Variants in KSR1 observed in about 807,000 individuals in gnomAD.
KSR1 encodes kinase suppressor of ras 1, also known as kinase suppressor of ras.
A neutral mutation model predicts 92.9 loss-of-function variants in KSR1; 35 were observed. The observed-to-expected ratio is 0.38, with a 90% CI of 0.29 to 0.50. The LOEUF is 0.50. Among genes scored for constraint, KSR1 ranks in the 20% least tolerant of loss-of-function variants. KSR1 has a pLI of 0.94. For synonymous variants in KSR1, 467 were observed against 472.6 expected (o/e 0.99, Z 0.15); for missense variants, 972 against 1,158.5 (o/e 0.84, Z 2.34).
intron 1 of KSR1, chr17:27,472,076 ACTAGGTATG>A (rs2020040954): frequency 2.6e-5 from 4 of 152,184 alleles, no homozygotes; most frequent in Non-Finnish European, 5.9e-5. Flanking sequence ...GGCTGCTGAT[ACTAGGTATG>A]AGTGTCTAGG....
intron 1 of KSR1, among the ~76,000 whole-genome samples, chr17:27,491,797 T>C (rs2068840403): frequency 6.6e-6 from 1 of 152,090 alleles, no homozygotes; most frequent in Non-Finnish European, 1.5e-5. Context: ...GTTTAGTGTG[T>C]GCAGCAGGAG....
At position 27,582,838 on chromosome 17, in the gene KSR1, C is replaced by A; in HGVS notation, c.713C>A (p.Ser238Tyr). The part of the protein sequence containing the change: ...ISVSALPASD[S>Y]PTPSFSEGLS... ...GTGTCAGCTCTGCCCGCCTCAGACT[C>A]CCCCACCCCCAGCTTCAGTGAGGGC... The change falls in exon 4 of 21, where the codon TCC becomes TAC. Residue 238 changes from serine (S) to tyrosine (Y), a missense_variant. Coordinates refer to ENST00000644974, the MANE Select transcript of KSR1 (RefSeq NM_001394583.1). 6.2e-7 allele frequency: 1 copy of A among 1,613,220 alleles called. No individual in the cohort carries two copies.
chr17:27,493,974 T>G (rs1231406151), intron 1 of KSR1, among the ~76,000 whole-genome samples: 1 of 152,162 alleles, frequency 6.6e-6, no homozygotes, highest in African/African-American at 2.4e-5. Flanking sequence ...TTCCACCACT[T>G]CTTCCTCTCT....
At chr17:27,621,596 A>G (rs1031985279) in intron 20 of KSR1, among the ~76,000 whole-genome samples, 1 of 152,146 alleles carries the variant, frequency 6.6e-6, no homozygotes, top group Non-Finnish European at 1.5e-5. Context: ...GCCAGAGCTC[A>G]AGAGAAGAGA....
intron 1 of KSR1, among the ~76,000 whole-genome samples, chr17:27,494,896 C>T (rs1429918753): frequency 5.3e-5 from 8 of 152,204 alleles, no homozygotes; most frequent in Non-Finnish European, 8.8e-5. Context: ...GCCTGGGAGG[C>T]GGCCCTGTCA....
intron 1 of KSR1, among the ~76,000 whole-genome samples, chr17:27,520,793 G>A (rs917374613): frequency 1.3e-5 from 2 of 152,230 alleles, no homozygotes; most frequent in African/African-American, 4.8e-5. Flanking sequence ...CCAGTGGATT[G>A]GAGGGGTGCT....
At chr17:27,480,568 T>C (rs1457433768) in intron 1 of KSR1, among the ~76,000 whole-genome samples, 1 of 152,114 alleles carries the variant, frequency 6.6e-6, no homozygotes, top group Non-Finnish European at 1.5e-5. Context: ...CATCTGATTT[T>C]TGTATTTTTA....
At chr17:27,597,778 G>A (rs2073400606) in intron 10 of KSR1, among the ~76,000 whole-genome samples, 1 of 152,124 alleles carries the variant, frequency 6.6e-6, no homozygotes, top group Admixed American at 6.5e-5. Flanking sequence ...CACTTTCTCG[G>A]GACTGGCTTC....
chr17:27,614,558 A>T (rs2074006296), intron 18 of KSR1, among the ~76,000 whole-genome samples: 1 of 152,266 alleles, frequency 6.6e-6, no homozygotes, highest in South Asian at 2.1e-4. Context: ...AGTTGGAATC[A>T]TCTGGGAGCT....
At chr17:27,526,046 C>CTTTTCTTTCTT in intron 1 of KSR1, among the ~76,000 whole-genome samples, 1 of 60,586 alleles carries the variant, frequency 1.7e-5, no homozygotes, top group African/African-American at 6.7e-5. Context: ...TCTTTTCTTT[C>CTTTTCTTTCTT]TCTCTCTCTC....
intron 1 of KSR1, among the ~76,000 whole-genome samples, chr17:27,513,743 T>C (rs1406697329): frequency 1.3e-5 from 2 of 152,214 alleles, no homozygotes; most frequent in Non-Finnish European, 2.9e-5. Flanking sequence ...TTGATGCTTA[T>C]GTTTAACCCC....
Position 27,569,370 on chromosome 17 carries a change from A to AG in KSR1, c.373-8120dup, listed in dbSNP as rs373421066. On this transcript the variant is annotated intron_variant, in intron 2 of 20. Transcript: ENST00000644974. The stretch of plus-strand genomic sequence containing the variant: ...AAATGTGTGTTGATGATGCAGAGAA[A>AG]GGTGACAAGATGTGGGTGTGCCCGC... Among the ~76,000 whole-genome samples, 54 of 152,206 alleles carry AG rather than the reference A, an allele frequency of 3.5e-4. 1 individual carries two copies. The highest frequency in any genetic ancestry group is 1.3e-3 in the African/African-American group (52 of 41,456).
chr17:27,521,834 T>C (rs1190681062), intron 1 of KSR1, among the ~76,000 whole-genome samples: 1 of 152,178 alleles, frequency 6.6e-6, no homozygotes, highest in Non-Finnish European at 1.5e-5. Context: ...CACACTCTCA[T>C]GGCTATGGGA....
intron 1 of KSR1, among the ~76,000 whole-genome samples, chr17:27,475,115 C>T (rs933433335): frequency 6.6e-6 from 1 of 152,082 alleles, no homozygotes; most frequent in Non-Finnish European, 1.5e-5. Context: ...TGGAAAAGAG[C>T]TTTGGAAGCT....
intron 2 of KSR1, among the ~76,000 whole-genome samples, chr17:27,554,252 A>G (rs1027766534): frequency 6.6e-6 from 1 of 152,198 alleles, no homozygotes; most frequent in Non-Finnish European, 1.5e-5. Context: ...GACCTTGAGC[A>G]GTAGGATATA....
chr17:27,583,122 G>A lies in KSR1; in HGVS notation c.980+17G>A, dbSNP rs1437823377. On this transcript the variant is annotated intron_variant, in intron 4 of 20. Transcript: ENST00000644974. ...CTCGATGAGGTGAGTGCTCCTTCTG[G>A]GCAGCTACCAAAAGTGCCCTCTGTG... The A allele has an allele frequency of 3.4e-6, 5 of 1,488,132 alleles. No homozygotes were observed. The highest frequency in any genetic ancestry group is 4.5e-6 in the Non-Finnish European group (5 of 1,113,934). The allele number at this position is 1,488,132 out of a possible 1,614,324, so 92.2% of individuals were successfully genotyped here. A position where few individuals can be genotyped will look rare whatever the true frequency, so the allele number is the denominator to read the frequency against.
chr17:27,516,161 G>A (rs1006276905), intron 1 of KSR1, among the ~76,000 whole-genome samples: 4 of 152,214 alleles, frequency 2.6e-5, no homozygotes, highest in African/African-American at 2.4e-5. Flanking sequence ...GTTGTGTGAC[G>A]TTGGGCTAGT....
chr17:27,479,011 T>TGTGCTCTTCCCTCC (rs2068430208), intron 1 of KSR1, among the ~76,000 whole-genome samples: 1 of 138,870 alleles, frequency 7.2e-6, no homozygotes, highest in African/African-American at 2.7e-5. Flanking sequence ...TCTCTCCCTC[T>TGTGCTCTTCCCTCC]GTGCTCTTCC....
rs1250015666 is a variant in KSR1 at position 27,545,191 on chromosome 17, G to A, written c.232-5377G>A. Among the ~76,000 whole-genome samples the A allele has an allele frequency of 5.3e-5, 8 of 152,142 alleles. 1 individual carries two copies. Among genetic ancestry groups the A allele is most frequent in the Admixed American group, 4.6e-4 (7 of 15,270 alleles). Reference sequence around the variant, plus strand: ...ATGGGCCTGCTTTGGGCTGTCTAGCGGGGATCTCTACCGGCCTTTAAAAAA... The same window carrying A: ...ATGGGCCTGCTTTGGGCTGTCTAGCAGGGATCTCTACCGGCCTTTAAAAAA... On this transcript the variant is annotated intron_variant, in intron 1 of 20. Transcript: ENST00000644974.
Sources: gnomAD v4.1 joint callset for allele counts (sites outside exome capture counted in the v4.1 genomes callset) on GRCh38, gnomAD v4.1.1 for gene constraint, MANE v1.5 for transcripts, NCBI Gene and HGNC (gene_info 2026-07-23, HGNC 2026-07-21) for gene names.